The following EYA3 variants were observed in gnomAD, a reference collection of about 807,000 sequenced individuals.
The protein encoded by EYA3 is EYA transcriptional coactivator and phosphatase 3.
Under a neutral mutation model 80.0 loss-of-function variants are expected in EYA3, and 39 were observed. That is an observed-to-expected ratio of 0.49 (90% CI 0.38 to 0.64). The LOEUF (loss-of-function observed/expected upper bound fraction) is 0.64. Among genes scored for constraint, EYA3 ranks in the 30% least tolerant of loss-of-function variants. The pLI, the probability that EYA3 is intolerant of heterozygous loss-of-function variation, is 0.00. For missense variants in EYA3, 523 were observed against 676.1 expected (o/e 0.77, Z 2.51); for synonymous variants, 206 against 232.8 (o/e 0.88, Z 1.05).
intron 1 of EYA3, among the ~76,000 whole-genome samples, chr1:28,082,963 A>C (rs1430393892): frequency 6.6e-6 from 1 of 152,222 alleles, no homozygotes; most frequent in Non-Finnish European, 1.5e-5. Flanking sequence ...TTAAGCCAGC[A>C]TTAGTAAAAA....
chr1:28,000,323 T>C (rs1213540805), intron 11 of EYA3, among the ~76,000 whole-genome samples: 1 of 151,996 alleles, frequency 6.6e-6, no homozygotes, highest in Non-Finnish European at 1.5e-5. Flanking sequence ...TTTTTTTTCT[T>C]TTTTTTTGAG....
intron 16 of EYA3, among the ~76,000 whole-genome samples, chr1:27,983,471 A>T (rs1050173736): frequency 1.3e-5 from 2 of 152,212 alleles, no homozygotes; most frequent in Non-Finnish European, 2.9e-5. Context: ...TGGAGAATGT[A>T]CCACATTTAA....
chr1:27,975,727 G>A (rs1297836998), intron 17 of EYA3, among the ~76,000 whole-genome samples: 3 of 150,818 alleles, frequency 2.0e-5, no homozygotes, highest in Admixed American at 6.6e-5. Context: ...CCTCATGATC[G>A]CCCGTCTTGG....
chr1:27,982,509 G>C (rs1571705929), intron 16 of EYA3, among the ~76,000 whole-genome samples: 1 of 149,948 alleles, frequency 6.7e-6, no homozygotes, highest in East Asian at 2.0e-4. Flanking sequence ...AACTTTTCAA[G>C]TACTCCTAAA....
chr1:28,046,060 C>G (rs572892322), intron 3 of EYA3, among the ~76,000 whole-genome samples: 32 of 152,242 alleles, frequency 2.1e-4, no homozygotes, highest in African/African-American at 7.7e-4. Flanking sequence ...CACAATCATG[C>G]AGACAGAAAG....
chr1:28,073,127 A>ATATATATATATATATATTTTTTT (rs1553157671), intron 1 of EYA3, among the ~76,000 whole-genome samples: 2 of 14,998 alleles, frequency 1.3e-4, no homozygotes, highest in Non-Finnish European at 2.2e-4. Flanking sequence ...ATATATATAT[A>ATATATATATATATATATTTTTTT]TTTTTTTTTT....
At chr1:28,030,405 G>T (rs1307470501) in intron 6 of EYA3, among the ~76,000 whole-genome samples, 2 of 152,128 alleles carry the variant, frequency 1.3e-5, no homozygotes, top group Non-Finnish European at 2.9e-5. Flanking sequence ...GGATCCTCCT[G>T]CCTCAAACCC....
intron 11 of EYA3, among the ~76,000 whole-genome samples, chr1:28,003,097 A>G (rs1312494560): frequency 1.4e-5 from 2 of 147,412 alleles, no homozygotes; most frequent in East Asian, 4.0e-4. Flanking sequence ...TCTACTAAAA[A>G]TACAAAAAAA....
At chr1:28,028,640 C>G (rs184805941) in intron 6 of EYA3, among the ~76,000 whole-genome samples, 2 of 150,926 alleles carry the variant, frequency 1.3e-5, no homozygotes, top group East Asian at 3.9e-4. Context: ...TGGTCTTGAA[C>G]TCCAGGCCTC....
At chr1:27,986,306 G>A (rs1018108973) in intron 16 of EYA3, among the ~76,000 whole-genome samples, 3 of 151,698 alleles carry the variant, frequency 2.0e-5, no homozygotes, top group Admixed American at 6.6e-5. Flanking sequence ...CAGAAGTTGC[G>A]GTAAGCCAAG....
chr1:28,048,330 A>T, intron 3 of EYA3, 53 bp downstream of exon 3: 1 of 1,437,048 alleles, frequency 7.0e-7, no homozygotes, highest in Non-Finnish European at 9.5e-7. Flanking sequence ...CATGTGAAAA[A>T]AAAAAACAAA....
intron 16 of EYA3, among the ~76,000 whole-genome samples, chr1:27,985,074 TTC>T (rs1252470195): frequency 3.0e-5 from 4 of 132,628 alleles, no homozygotes; most frequent in African/African-American, 1.3e-4. Context: ...CAATCTTCAA[TTC>T]AATTCTCAAG....
intron 10 of EYA3, among the ~76,000 whole-genome samples, chr1:28,008,325 C>T (rs891106480): frequency 6.6e-6 from 1 of 151,732 alleles, no homozygotes; most frequent in African/African-American, 2.4e-5. Context: ...AAGAGCTAAA[C>T]GATGAAAATC....
intron 1 of EYA3, among the ~76,000 whole-genome samples, chr1:28,061,533 A>G (rs1644624186): frequency 6.6e-6 from 1 of 152,234 alleles, no homozygotes; most frequent in South Asian, 2.1e-4. Context: ...AAAGAAGTAC[A>G]GAATTACTGT....
intron 16 of EYA3, among the ~76,000 whole-genome samples, chr1:27,982,760 A>G (rs181845047): frequency 1.3e-5 from 2 of 151,016 alleles, no homozygotes; most frequent in Non-Finnish European, 3.0e-5. Context: ...TAATTTTTGT[A>G]TTTTTTGCAG....
intron 1 of EYA3, among the ~76,000 whole-genome samples, chr1:28,076,420 T>C (rs1264532830): frequency 6.6e-6 from 1 of 152,006 alleles, no homozygotes. Context: ...TTACCAGAAA[T>C]AGAATCTCGG....
intron 6 of EYA3, among the ~76,000 whole-genome samples, chr1:28,030,436 G>T (rs977538059): frequency 6.6e-6 from 1 of 152,050 alleles, no homozygotes; most frequent in Non-Finnish European, 1.5e-5. Flanking sequence ...GGGACCACAG[G>T]CACACTACGC....
At chr1:28,082,269 A>C (rs2148957999) in intron 1 of EYA3, among the ~76,000 whole-genome samples, 1 of 152,290 alleles carries the variant, frequency 6.6e-6, no homozygotes, top group Non-Finnish European at 1.5e-5. Context: ...CAAAATATTC[A>C]GAAAAATAAT....
chr1:27,975,485 A>G (rs1443822605), intron 17 of EYA3, among the ~76,000 whole-genome samples: 1 of 139,570 alleles, frequency 7.2e-6, no homozygotes, highest in Non-Finnish European at 1.6e-5. Flanking sequence ...CCTGGAGGCC[A>G]TATTTTTTTT....
Sources: allele counts gnomAD v4.1 joint callset (sites outside exome capture counted in the v4.1 genomes callset), GRCh38; gene constraint gnomAD v4.1.1; transcripts MANE v1.5; gene names NCBI Gene and HGNC (gene_info 2026-07-23, HGNC 2026-07-21).